BTBD9: variants seen among roughly 807,000 people sequenced by gnomAD.
BTBD9 encodes the protein BTB domain containing 9, also known as BTB/POZ domain-containing protein 9.
Under a neutral mutation model 64.3 loss-of-function variants are expected in BTBD9, and 49 were observed. The ratio of observed to expected loss-of-function variants is 0.76; its 90% CI spans 0.61 to 0.97. The LOEUF (loss-of-function observed/expected upper bound fraction) is 0.97. Ranked by LOEUF, BTBD9 falls within the 50% of genes least tolerant of loss-of-function variation. BTBD9 has a pLI of 0.00. For synonymous variants in BTBD9, 260 were observed against 274.7 expected, an observed-to-expected ratio of 0.95 and a Z score of 0.53; for missense variants, 598 against 762.1, an observed-to-expected ratio of 0.78 and a Z score of 2.53.
chr6:38,587,754 T>C (rs968277210), intron 4 of BTBD9: 15 of 695,826 alleles, frequency 2.2e-5, no homozygotes, highest in Admixed American at 1.5e-4. Flanking sequence ...TTACTGTGAA[T>C]GGTAGGGAAG....
chr6:38,177,454 G>A lies in BTBD9; in HGVS notation c.1642-2272C>T, dbSNP rs1440614018. On this transcript the variant is annotated intron_variant, in intron 10 of 10. Coordinates refer to ENST00000481247, the MANE Select transcript of BTBD9 (RefSeq NM_001099272.2). The stretch of plus-strand genomic sequence containing the variant: ...GATCTGACTCAAGGACCAAGGCTTA[G>A]TCGTCCTTCTACCTGCTCGGGTTCT... Among the ~76,000 whole-genome samples, 4 of 152,256 alleles carry A rather than the reference G, an allele frequency of 2.6e-5. No individual in the cohort carries two copies. The East Asian group carries it at 5.8e-4, about 22-fold the overall frequency.
At chr6:38,362,748 A>G (rs1562079139) in intron 6 of BTBD9, among the ~76,000 whole-genome samples, 1 of 152,208 alleles carries the variant, frequency 6.6e-6, no homozygotes, top group Non-Finnish European at 1.5e-5. Context: ...GAAGAAAGGA[A>G]AACCACCAGT....
Position 38,556,532 on chromosome 6 carries a change from TGTGTGTGTGTGTGTGTGTGAGAGA to T in BTBD9, c.1154+21044_1154+21067del, listed in dbSNP as rs1281961908. Among the ~76,000 whole-genome samples, 70 of 51,172 alleles carry T rather than the reference TGTGTGTGTGTGTGTGTGTGAGAGA, an allele frequency of 1.4e-3. 2 individuals are homozygous for T. The highest frequency in any genetic ancestry group is 3.4e-3 in the South Asian group (5 of 1,478). The allele number at this position is 51,172 out of a possible 152,430, so 33.6% of individuals were successfully genotyped here. On this transcript the variant is annotated intron_variant, in intron 6 of 10. Coordinates refer to ENST00000481247, the MANE Select transcript of BTBD9 (RefSeq NM_001099272.2). ...GTGTGTGTGTGTGTGTGTGTGTGTG[TGTGTGTGTGTGTGTGTGTGAGAGA>T]GAGAGAGAGAGAGAGAGAGATTTGA...
chr6:38,261,796 G>T (rs1176987825), intron 8 of BTBD9, among the ~76,000 whole-genome samples: 1 of 152,152 alleles, frequency 6.6e-6, no homozygotes, highest in African/African-American at 2.4e-5. Context: ...AGTCCCCAGG[G>T]ACTGGAGATG....
At chr6:38,194,791 C>T (rs1762218341) in intron 9 of BTBD9, among the ~76,000 whole-genome samples, 1 of 152,202 alleles carries the variant, frequency 6.6e-6, no homozygotes, top group South Asian at 2.1e-4. Flanking sequence ...CCACTCTCCT[C>T]TCCCTACGTC....
At chr6:38,400,986 T>C (rs961408208) in intron 6 of BTBD9, among the ~76,000 whole-genome samples, 1 of 152,234 alleles carries the variant, frequency 6.6e-6, no homozygotes, top group Non-Finnish European at 1.5e-5. Context: ...TTTCCTTCCC[T>C]GACCTTCTTT....
chr6:38,572,798 A>G (rs548420183), intron 6 of BTBD9, among the ~76,000 whole-genome samples: 1 of 151,508 alleles, frequency 6.6e-6, no homozygotes, highest in East Asian at 1.9e-4. Context: ...AAAAATATAT[A>G]TATATACATA....
At chr6:38,309,537 C>A (rs894861747) in intron 7 of BTBD9, among the ~76,000 whole-genome samples, 13 of 151,500 alleles carry the variant, frequency 8.6e-5, no homozygotes, top group Non-Finnish European at 1.6e-4. Context: ...CTCAGCCTCC[C>A]GAGTAGCTGG....
At chr6:38,638,471 G>C (rs963245053) in intron 1 of BTBD9, among the ~76,000 whole-genome samples, 2 of 152,172 alleles carry the variant, frequency 1.3e-5, no homozygotes, top group Admixed American at 6.5e-5. Flanking sequence ...AATATCCATT[G>C]CATGCCTACT....
At chr6:38,546,966 C>T (rs1774579375) in intron 6 of BTBD9, among the ~76,000 whole-genome samples, 1 of 152,162 alleles carries the variant, frequency 6.6e-6, no homozygotes, top group Non-Finnish European at 1.5e-5. Flanking sequence ...TGCAATCAGC[C>T]TATGGTGATC....
At chr6:38,587,947 A>C in intron 4 of BTBD9, 1 of 727,664 alleles carries the variant, frequency 1.4e-6, no homozygotes, top group East Asian at 2.5e-5. Context: ...ACTGTTCAGG[A>C]ACATCTGACA....
intron 7 of BTBD9, among the ~76,000 whole-genome samples, chr6:38,322,077 A>G (rs1763258576): frequency 6.6e-6 from 1 of 151,920 alleles, no homozygotes; most frequent in Non-Finnish European, 1.5e-5. Flanking sequence ...GCCCTTTCCC[A>G]CCAAACGAGA....
At chr6:38,309,237 G>A (rs996831526) in intron 7 of BTBD9, among the ~76,000 whole-genome samples, 2 of 150,992 alleles carry the variant, frequency 1.3e-5, no homozygotes, top group African/African-American at 2.4e-5. Flanking sequence ...GGGCGTGGTG[G>A]TGGGCGCCTA....
intron 9 of BTBD9, among the ~76,000 whole-genome samples, chr6:38,202,017 A>C (rs1474339914): frequency 6.6e-6 from 1 of 152,154 alleles, no homozygotes; most frequent in Admixed American, 6.6e-5. Context: ...TGTACTGCCC[A>C]AAACAATATA....
chr6:38,538,349 G>A (rs1320007653), intron 6 of BTBD9, among the ~76,000 whole-genome samples: 10 of 152,148 alleles, frequency 6.6e-5, no homozygotes, highest in Non-Finnish European at 1.3e-4. Flanking sequence ...CACATGCATT[G>A]TCAACACTAA....
At chr6:38,592,876 G>C (rs1446799420) in intron 3 of BTBD9, 36 bp from the exon 4 acceptor site, 2 of 1,604,748 alleles carry the variant, frequency 1.2e-6, no homozygotes, top group East Asian at 2.2e-5. Context: ...CCAGTTATAT[G>C]AAGTTCAACC....
chr6:38,422,392 T>A (rs759966388), intron 6 of BTBD9, among the ~76,000 whole-genome samples: 1 of 152,228 alleles, frequency 6.6e-6, no homozygotes, highest in African/African-American at 2.4e-5. Context: ...TTATACTTTA[T>A]ACATTTTAGA....
chr6:38,293,977 A>G (rs1762063627), intron 7 of BTBD9, among the ~76,000 whole-genome samples: 1 of 152,242 alleles, frequency 6.6e-6, no homozygotes, highest in Admixed American at 6.5e-5. Context: ...TTTACAAGAA[A>G]AAAAACAAAC....
At position 38,171,509 on chromosome 6, in the gene BTBD9, A is replaced by G. The variant is rs1766756203; in HGVS notation, c.*3476T>C. ...ATCATGGCTTGTGCTTCTAACTAAAATCAAAGGAATGAAAGCAGAAAAAGC... is the reference window on the plus strand; with the variant it reads ...ATCATGGCTTGTGCTTCTAACTAAAGTCAAAGGAATGAAAGCAGAAAAAGC... On this transcript the variant is annotated 3_prime_UTR_variant, in exon 11 of 11. Coordinates refer to ENST00000481247, the MANE Select transcript of BTBD9 (RefSeq NM_001099272.2). 6.6e-6 allele frequency: 1 copy of G among 150,558 alleles called. No homozygotes were observed. Among genetic ancestry groups the G allele is most frequent in the Admixed American group, 6.7e-5 (1 of 15,018 alleles). 9.3% of individuals were successfully genotyped at this position (150,558 alleles called of 1,614,324 possible).
Sources: allele counts gnomAD v4.1 joint callset (sites outside exome capture counted in the v4.1 genomes callset), GRCh38; gene constraint gnomAD v4.1.1; transcripts MANE v1.5; gene names NCBI Gene and HGNC (gene_info 2026-07-23, HGNC 2026-07-21).